APBA1: variants seen among roughly 807,000 people sequenced by gnomAD.
APBA1 encodes the protein amyloid-beta A4 precursor protein-binding family A member 1.
In APBA1, 55 loss-of-function variants were observed where a neutral mutation model predicts 86.6. That is an observed-to-expected ratio of 0.64 (90% CI 0.51 to 0.80). The LOEUF is 0.80. Among genes scored for constraint, APBA1 ranks in the 30% least tolerant of loss-of-function variants. The pLI, the probability that APBA1 is intolerant of heterozygous loss-of-function variation, is 0.00. For missense variants in APBA1, 1,090 were observed against 1,183.0 expected (o/e 0.92, Z 1.15); for synonymous variants, 511 against 493.9 (o/e 1.03, Z -0.46).
chr9:69,448,641 G>T (rs1834951785), intron 10 of APBA1, among the ~76,000 whole-genome samples: 1 of 150,956 alleles, frequency 6.6e-6, no homozygotes, highest in Admixed American at 6.6e-5. Flanking sequence ...TGCTCACAAT[G>T]ACTATTTGCA....
At chr9:69,629,921 T>C (rs1588401450) in intron 1 of APBA1, among the ~76,000 whole-genome samples, 2 of 152,158 alleles carry the variant, frequency 1.3e-5, no homozygotes, top group South Asian at 4.1e-4. Flanking sequence ...AGTGTCCAGG[T>C]GCTTGAAATA....
intron 1 of APBA1, among the ~76,000 whole-genome samples, chr9:69,558,533 TACACAC>T (rs34177238): frequency 1.4e-5 from 2 of 145,130 alleles, no homozygotes; most frequent in Admixed American, 1.4e-4. Context: ...TATATATATA[TACACAC>T]ACACATACAC....
chr9:69,638,915 T>G (rs1823232099), intron 1 of APBA1, among the ~76,000 whole-genome samples: 1 of 152,112 alleles, frequency 6.6e-6, no homozygotes, highest in Non-Finnish European at 1.5e-5. Context: ...AATTAAAAAA[T>G]ATAAATCCAT....
chr9:69,520,437 T>G (rs1343902804), intron 1 of APBA1, among the ~76,000 whole-genome samples: 1 of 152,138 alleles, frequency 6.6e-6, no homozygotes, highest in African/African-American at 2.4e-5. Flanking sequence ...AGAAAAAACT[T>G]GAATGTGGAC....
intron 2 of APBA1, among the ~76,000 whole-genome samples, chr9:69,489,661 G>A (rs555884389): frequency 9.2e-5 from 14 of 152,032 alleles, no homozygotes; most frequent in East Asian, 3.9e-4. Context: ...AAAAGTGGGC[G>A]AAGGACATGA....
rs368346460 is a variant in APBA1 at position 69,514,973 on chromosome 9, C to T, written c.1200+1038G>A. ...GGCGGAAAAAGGCTTGGAAGGCTAT[C>T]CTCCAAAGAGGGCACACTACCCATC... On this transcript the variant is annotated intron_variant, in intron 2 of 12. Coordinates refer to ENST00000265381, the MANE Select transcript of APBA1 (RefSeq NM_001163.4). 6.6e-5 allele frequency among the ~76,000 whole-genome samples: 10 copies of T among 152,298 alleles called. No homozygotes were observed. In the South Asian group the frequency reaches 2.1e-3, roughly 32 times the overall value.
chr9:69,449,966 G>A (rs1284413674), intron 9 of APBA1, among the ~76,000 whole-genome samples, 170 bp from the exon 10 acceptor site: 1 of 149,906 alleles, frequency 6.7e-6, no homozygotes, highest in Non-Finnish European at 1.5e-5. Context: ...GAGTTTTTAA[G>A]AAATGAATTC....
chr9:69,440,933 C>T (rs765408564), intron 11 of APBA1, 63 bp downstream of exon 11: 6 of 1,577,116 alleles, frequency 3.8e-6, no homozygotes, highest in Admixed American at 1.7e-5. Context: ...TCCACCCCCC[C>T]AGCCATGCTA....
intron 1 of APBA1, among the ~76,000 whole-genome samples, chr9:69,553,060 C>A (rs1352706097): frequency 6.6e-6 from 1 of 152,072 alleles, no homozygotes; most frequent in Non-Finnish European, 1.5e-5. Flanking sequence ...TGTGCCACTA[C>A]ACTCGGCTAA....
At chr9:69,571,589 T>C (rs1264913316) in intron 1 of APBA1, among the ~76,000 whole-genome samples, 1 of 152,194 alleles carries the variant, frequency 6.6e-6, no homozygotes, top group Non-Finnish European at 1.5e-5. Flanking sequence ...ATGGTAGGAT[T>C]ACTTTTTAAA....
At chr9:69,505,013 G>A (rs993487589) in intron 2 of APBA1, among the ~76,000 whole-genome samples, 1 of 151,918 alleles carries the variant, frequency 6.6e-6, no homozygotes, top group Non-Finnish European at 1.5e-5. Flanking sequence ...CCTTTGTTGG[G>A]GGGCGTCTAC....
At chr9:69,512,544 A>G (rs1476710905) in intron 2 of APBA1, among the ~76,000 whole-genome samples, 1 of 152,208 alleles carries the variant, frequency 6.6e-6, no homozygotes, top group African/African-American at 2.4e-5. Flanking sequence ...TTGTAAGAAT[A>G]CCATTTCTCC....
intron 1 of APBA1, among the ~76,000 whole-genome samples, chr9:69,576,065 C>T (rs1821788764): frequency 6.6e-6 from 1 of 152,210 alleles, no homozygotes; most frequent in African/African-American, 2.4e-5. Flanking sequence ...ACAGACACTT[C>T]TCAAAAGAAG....
chr9:69,564,618 A>T (rs1387232991), intron 1 of APBA1, among the ~76,000 whole-genome samples: 1 of 152,234 alleles, frequency 6.6e-6, no homozygotes, highest in East Asian at 1.9e-4. Flanking sequence ...GTAAAGAAGT[A>T]GGAGACATCA....
chr9:69,490,632 C>T (rs1835693360), intron 2 of APBA1, among the ~76,000 whole-genome samples: 1 of 151,960 alleles, frequency 6.6e-6, no homozygotes, highest in African/African-American at 2.4e-5. Flanking sequence ...AGAGCTTCTG[C>T]ACAGCAAAAG....
chr9:69,523,981 G>T (rs1392864578), intron 1 of APBA1, among the ~76,000 whole-genome samples: 2 of 152,090 alleles, frequency 1.3e-5, no homozygotes, highest in African/African-American at 4.8e-5. Context: ...GCTCCTAAAT[G>T]ACTTTTGGGT....
intron 12 of APBA1, 91 bp from the exon 13 acceptor site, chr9:69,431,489 C>T: frequency 8.8e-7 from 1 of 1,141,472 alleles, no homozygotes; most frequent in Non-Finnish European, 1.3e-6. Context: ...GGCAGTGCCT[C>T]TCCCACAGAG....
chr9:69,623,577 C>G (rs1184436543), intron 1 of APBA1, among the ~76,000 whole-genome samples: 2 of 152,154 alleles, frequency 1.3e-5, no homozygotes, highest in African/African-American at 4.8e-5. Context: ...CTGGCCCTGA[C>G]TAGATCTAAT....
chr9:69,553,444 AC>A (rs1836818063), intron 1 of APBA1, among the ~76,000 whole-genome samples: 1 of 152,040 alleles, frequency 6.6e-6, no homozygotes. Context: ...CTGTTCTTGA[AC>A]TTCATAAAAA....
Sources: gnomAD v4.1 joint callset for allele counts (sites outside exome capture counted in the v4.1 genomes callset) on GRCh38, gnomAD v4.1.1 for gene constraint, MANE v1.5 for transcripts, NCBI Gene and HGNC (gene_info 2026-07-23, HGNC 2026-07-21) for gene names.